The following STX8 variants were observed in gnomAD, a reference collection of about 807,000 sequenced individuals.
STX8 encodes the protein syntaxin-8.
STX8 carries 23 observed loss-of-function variants against 37.5 expected under a neutral mutation model. The observed-to-expected ratio is 0.61, with a 90% confidence interval of 0.44 to 0.87. STX8 has a LOEUF of 0.87. STX8 is among the 40% of genes least tolerant of loss of function. The probability of loss-of-function intolerance (pLI) is 0.00; values close to 1 mark genes in which losing one functional copy is unlikely to be tolerated. For synonymous variants in STX8, 115 were observed against 99.1 expected, an observed-to-expected ratio of 1.16 and a Z score of -0.95; for missense variants, 313 against 284.7, an observed-to-expected ratio of 1.10 and a Z score of -0.71.
At chr17:9,559,731 ATT>A (rs1287565066) in intron 2 of STX8, among the ~76,000 whole-genome samples, 3 of 51,638 alleles carry the variant, frequency 5.8e-5, no homozygotes, top group African/African-American at 2.1e-4. Flanking sequence ...GATTATTATT[ATT>A]TTATATATAT....
At chr17:9,262,571 T>C (rs1048883343) in intron 7 of STX8, among the ~76,000 whole-genome samples, 3 of 147,536 alleles carry the variant, frequency 2.0e-5, no homozygotes, top group African/African-American at 7.9e-5. Flanking sequence ...TTTTGTTTTT[T>C]TTGTTTTGTT....
At position 9,482,895 on chromosome 17, in the gene STX8, CAA is replaced by C. The variant is rs1487638930; in HGVS notation, c.541+8932_541+8933del. On this transcript the variant is annotated intron_variant, in intron 6 of 7. Coordinates refer to ENST00000306357, the MANE Select transcript of STX8 (RefSeq NM_004853.3). ...CGCCACTGCACTACAGCCTGGGTAA[CAA>C]GAGCGAAACTGCGTCTCAAAAAACA... Among the ~76,000 whole-genome samples the C allele has an allele frequency of 2.6e-5, 4 of 152,102 alleles. No homozygotes were observed. In the East Asian group the frequency reaches 5.8e-4, roughly 22 times the overall value.
At chr17:9,462,790 TA>T (rs748716775) in intron 6 of STX8, among the ~76,000 whole-genome samples, 14 of 152,178 alleles carry the variant, frequency 9.2e-5, no homozygotes, top group Admixed American at 2.0e-4. Context: ...AAACCCTAAT[TA>T]TAATCCTTTT....
intron 6 of STX8, among the ~76,000 whole-genome samples, chr17:9,451,625 T>C (rs567459443): frequency 6.6e-6 from 1 of 152,250 alleles, no homozygotes; most frequent in Non-Finnish European, 1.5e-5. Context: ...ACTTTATAAA[T>C]AAACCCATCT....
chr17:9,472,169 CCTGT>C (rs1331048257), intron 6 of STX8, among the ~76,000 whole-genome samples: 1 of 151,642 alleles, frequency 6.6e-6, no homozygotes, highest in African/African-American at 2.4e-5. Context: ...GGGATTTAAG[CCTGT>C]CTGTCTGGCC....
Position 9,348,992 on chromosome 17 carries a change from G to A in STX8, c.643+29560C>T, listed in dbSNP as rs147649942. On this transcript the variant is annotated intron_variant, in intron 7 of 7. Transcript: ENST00000306357. ...TTTTTTCCTATACATACATACCTAC[G>A]ATAAAGTTAACTTTTTGAGATGGAG... is the stretch of plus-strand genomic sequence containing the variant. 1.8e-4 allele frequency among the ~76,000 whole-genome samples: 28 copies of A among 152,216 alleles called. No homozygotes were observed. In the East Asian group the frequency reaches 5.0e-3, roughly 27 times the overall value.
chr17:9,253,207 G>GTGTGT (rs1555582915), intron 7 of STX8, among the ~76,000 whole-genome samples: 17 of 140,940 alleles, frequency 1.2e-4, no homozygotes, highest in South Asian at 2.4e-4. Context: ...CAGGGGTAGG[G>GTGTGT]GTGTGTGTGT....
At chr17:9,533,833 T>C (rs945912410) in intron 4 of STX8, among the ~76,000 whole-genome samples, 1 of 152,188 alleles carries the variant, frequency 6.6e-6, no homozygotes, top group African/African-American at 2.4e-5. Context: ...GTATGTCTCA[T>C]CTTCCTTGTT....
chr17:9,448,502 T>G (rs1231780975), intron 6 of STX8, among the ~76,000 whole-genome samples: 1 of 129,286 alleles, frequency 7.7e-6, no homozygotes, highest in African/African-American at 2.8e-5. Flanking sequence ...ACTGCTAAAG[T>G]GCCGTTTGGC....
intron 5 of STX8, among the ~76,000 whole-genome samples, chr17:9,493,749 C>A (rs976922723): frequency 6.6e-6 from 1 of 152,142 alleles, no homozygotes; most frequent in Non-Finnish European, 1.5e-5. Context: ...GTTAGCTAAT[C>A]CCTCGTTACT....
chr17:9,574,131 C>T (rs576523228), intron 1 of STX8, among the ~76,000 whole-genome samples: 3 of 151,744 alleles, frequency 2.0e-5, no homozygotes, highest in Admixed American at 1.3e-4. Flanking sequence ...ATTAGCTGGG[C>T]GTGGCTGCGT....
chr17:9,301,719 G>C (rs1030474399), intron 7 of STX8, among the ~76,000 whole-genome samples: 2 of 151,118 alleles, frequency 1.3e-5, no homozygotes, highest in Admixed American at 1.3e-4. Context: ...GTCTTGATCT[G>C]ACCTCGTGAT....
chr17:9,268,599 G>A (rs542635480), intron 7 of STX8, among the ~76,000 whole-genome samples: 1 of 152,176 alleles, frequency 6.6e-6, no homozygotes, highest in Non-Finnish European at 1.5e-5. Context: ...CAGATTATCT[G>A]AGGATCCCTA....
At chr17:9,546,963 G>T (rs535041955) in intron 3 of STX8, among the ~76,000 whole-genome samples, 1 of 151,620 alleles carries the variant, frequency 6.6e-6, no homozygotes, top group South Asian at 2.1e-4. Flanking sequence ...AAGAAACACA[G>T]AAGGGCTGGA....
chr17:9,501,894 G>T (rs1375081143), intron 5 of STX8, among the ~76,000 whole-genome samples: 1 of 152,056 alleles, frequency 6.6e-6, no homozygotes, highest in Non-Finnish European at 1.5e-5. Context: ...GCGTGAACCT[G>T]AGAGGTGGAG....
Position 9,535,424 on chromosome 17 carries a change from C to CTTTT in STX8, c.323+9744_323+9747dup, listed in dbSNP as rs35962202. 1.6e-3 allele frequency among the ~76,000 whole-genome samples: 85 copies of CTTTT among 51,560 alleles called. 14 individuals are homozygous for CTTTT. Among genetic ancestry groups the CTTTT allele is most frequent in the African/African-American group, 3.7e-3 (50 of 13,608 alleles). 33.8% of individuals were successfully genotyped at this position (51,560 alleles called of 152,430 possible). ...CATACCCTCTGACCCAGCCATCCTA[C>CTTTT]TTTTTTTTTTTTTTTTTTTTTTTTT... is the stretch of plus-strand genomic sequence containing the variant. On this transcript the variant is annotated intron_variant, in intron 4 of 7. Transcript: ENST00000306357.
chr17:9,532,909 A>C (rs1365773768), intron 4 of STX8, among the ~76,000 whole-genome samples: 1 of 152,192 alleles, frequency 6.6e-6, no homozygotes, highest in African/African-American at 2.4e-5. Context: ...AAAAAAGATG[A>C]TGCAGCATAA....
intron 6 of STX8, among the ~76,000 whole-genome samples, chr17:9,406,368 G>A (rs542308731): frequency 6.6e-6 from 1 of 152,278 alleles, no homozygotes; most frequent in South Asian, 2.1e-4. Flanking sequence ...ACAATTTACT[G>A]GAGCGATAAC....
chr17:9,423,475 G>A (rs1353496399), intron 6 of STX8, among the ~76,000 whole-genome samples: 4 of 152,072 alleles, frequency 2.6e-5, no homozygotes, highest in Non-Finnish European at 4.4e-5. Flanking sequence ...ACAGGCATGC[G>A]CCACCATGCC....
Sources: gnomAD v4.1 joint callset for allele counts (sites outside exome capture counted in the v4.1 genomes callset) on GRCh38, gnomAD v4.1.1 for gene constraint, MANE v1.5 for transcripts, NCBI Gene and HGNC (gene_info 2026-07-23, HGNC 2026-07-21) for gene names.